KIF16B: variants seen among roughly 807,000 people sequenced by gnomAD.
The protein encoded by KIF16B is kinesin family member 16B.
KIF16B carries 98 observed loss-of-function variants against 156.3 expected under a neutral mutation model. That is an observed-to-expected ratio of 0.63 (90% CI 0.53 to 0.74). The LOEUF is 0.74. Ranked by LOEUF, KIF16B falls within the 30% of genes least tolerant of loss-of-function variation. KIF16B has a pLI of 0.00. For missense variants in KIF16B, 1,421 were observed against 1,606.5 expected, an observed-to-expected ratio of 0.88 and a Z score of 1.97; for synonymous variants, 564 against 583.7, an observed-to-expected ratio of 0.97 and a Z score of 0.49.
chr20:16,527,962 T>C (rs2069609286), intron 2 of KIF16B, among the ~76,000 whole-genome samples: 1 of 152,276 alleles, frequency 6.6e-6, no homozygotes, highest in East Asian at 1.9e-4. Flanking sequence ...ATAGTATCAG[T>C]TCTTCTTCAA....
chr20:16,290,710 G>C (rs1454603689), intron 25 of KIF16B, among the ~76,000 whole-genome samples: 3 of 152,178 alleles, frequency 2.0e-5, no homozygotes, highest in Admixed American at 6.5e-5. Flanking sequence ...GTGGCCCCGA[G>C]TGGTGGGCCC....
Position 16,272,940 on chromosome 20 carries a change from C to A in KIF16B, c.*313G>T. On this transcript the variant is annotated 3_prime_UTR_variant, in exon 26 of 26. Coordinates refer to ENST00000354981, the MANE Select transcript of KIF16B (RefSeq NM_024704.5). The stretch of plus-strand genomic sequence containing the variant: ...CTGGGCTCAGGGAACCCACGATGGC[C>A]CAACCACATCTATCTTGCCACAGGG... The A allele has an allele frequency of 4.4e-6, 1 of 229,388 alleles. No homozygotes were observed. The highest frequency in any genetic ancestry group is 5.5e-5 in the Admixed American group (1 of 18,098). 14.2% of individuals were successfully genotyped at this position (229,388 alleles called of 1,614,324 possible).
chr20:16,483,163 A>C (rs1160548804), intron 12 of KIF16B, among the ~76,000 whole-genome samples: 1 of 152,150 alleles, frequency 6.6e-6, no homozygotes, highest in African/African-American at 2.4e-5. Context: ...CTCCCTTTGC[A>C]TTCTGAGGGT....
intron 23 of KIF16B, among the ~76,000 whole-genome samples, chr20:16,354,933 G>A (rs1043351588): frequency 9.2e-5 from 14 of 151,642 alleles, no homozygotes; most frequent in Non-Finnish European, 1.6e-4. Flanking sequence ...GCAACAGAGT[G>A]AGACTCCATC....
At chr20:16,434,191 A>G (rs930810564) in intron 12 of KIF16B, among the ~76,000 whole-genome samples, 1 of 152,226 alleles carries the variant, frequency 6.6e-6, no homozygotes, top group African/African-American at 2.4e-5. Flanking sequence ...GCATCTATTC[A>G]GGTGAAATCC....
rs527494537 is a variant in KIF16B, at chr20:16,320,249, C to T, written c.3712-7831G>A. Among the ~76,000 whole-genome samples the T allele has an allele frequency of 5.9e-5, 9 of 152,204 alleles. No homozygotes were observed. In the South Asian group the frequency reaches 1.9e-3, roughly 32 times the overall value. On this transcript the variant is annotated intron_variant, in intron 24 of 25. Coordinates refer to ENST00000354981, the MANE Select transcript of KIF16B (RefSeq NM_024704.5). ...TCTTAGCCAGATAAACATAAAACCTCGCACTAAAAATCAATCTACCTCAAT... is the reference window on the plus strand; with the variant it reads ...TCTTAGCCAGATAAACATAAAACCTTGCACTAAAAATCAATCTACCTCAAT...
At position 16,375,075 on chromosome 20, in the gene KIF16B, AT is replaced by A. The variant is rs200952742; in HGVS notation, c.3198-667del. 8.5e-3 allele frequency among the ~76,000 whole-genome samples: 1,301 copies of A among 152,308 alleles called. 24 individuals carry two copies. Among genetic ancestry groups the A allele is most frequent in the African/African-American group, 0.03 (1,244 of 41,552 alleles). Reference sequence around the variant, plus strand: ...ATGAGAAACTAAAATAAACCATAAAATTAACCTCCAGTGATAAGTGATACAT... The same window carrying A: ...ATGAGAAACTAAAATAAACCATAAAATAACCTCCAGTGATAAGTGATACAT... On this transcript the variant is annotated intron_variant, in intron 19 of 25. Transcript: ENST00000354981.
intron 22 of KIF16B, among the ~76,000 whole-genome samples, chr20:16,358,838 T>C (rs556399716): frequency 1.2e-3 from 181 of 152,382 alleles, no homozygotes; most frequent in Admixed American, 2.1e-3. Flanking sequence ...AATGGAGACT[T>C]ACCTTTGACT....
chr20:16,360,788 A>G (rs2064536513), intron 22 of KIF16B, among the ~76,000 whole-genome samples: 1 of 152,246 alleles, frequency 6.6e-6, no homozygotes, highest in Non-Finnish European at 1.5e-5. Flanking sequence ...TAGGCAGAAC[A>G]TAAGGTACAT....
chr20:16,405,644 A>T (rs2065763820), intron 16 of KIF16B, among the ~76,000 whole-genome samples: 1 of 152,180 alleles, frequency 6.6e-6, no homozygotes. Flanking sequence ...TGCCGGCTAC[A>T]GAACAAGTTA....
At chr20:16,357,712 C>G (rs1032415979) in intron 22 of KIF16B, among the ~76,000 whole-genome samples, 1 of 152,192 alleles carries the variant, frequency 6.6e-6, no homozygotes, top group South Asian at 2.1e-4. Flanking sequence ...CCAGAGGACA[C>G]AAGGACATAT....
At chr20:16,356,702 C>T (rs1255870503) in intron 22 of KIF16B, among the ~76,000 whole-genome samples, 1 of 152,158 alleles carries the variant, frequency 6.6e-6, no homozygotes, top group African/African-American at 2.4e-5. Context: ...AAGTGTTTGG[C>T]TTTGAAGTTC....
intron 24 of KIF16B, among the ~76,000 whole-genome samples, chr20:16,317,309 T>C (rs948480999): frequency 6.6e-6 from 1 of 152,178 alleles, no homozygotes; most frequent in Admixed American, 6.5e-5. Flanking sequence ...GGAGATACAG[T>C]GTCCTATATT....
chr20:16,312,478 T>C (rs2063634275), intron 24 of KIF16B, 60 bp from the exon 25 acceptor site: 3 of 1,201,416 alleles, frequency 2.5e-6, no homozygotes, highest in Non-Finnish European at 3.7e-6. Flanking sequence ...GTTGGGCTAT[T>C]ATTAATCTAT....
chr20:16,322,673 C>A (rs1053876890), intron 24 of KIF16B, among the ~76,000 whole-genome samples: 24 of 151,936 alleles, frequency 1.6e-4, no homozygotes, highest in African/African-American at 5.8e-4. Flanking sequence ...ACTGACACAG[C>A]CCAATTTTCT....
chr20:16,382,153 G>GAGAGAA lies in KIF16B; in HGVS notation c.1785-412_1785-407dup, dbSNP rs755906197. 6 of 1,316,518 alleles carry GAGAGAA rather than the reference G, an allele frequency of 4.6e-6. No homozygotes were observed. The African/African-American group carries it at 9.0e-5, about 20-fold the overall frequency. 81.6% of individuals were successfully genotyped at this position (1,316,518 alleles called of 1,614,324 possible). A position where few individuals can be genotyped will look rare whatever the true frequency, so the allele number is the denominator to read the frequency against. On this transcript the variant is annotated intron_variant, in intron 17 of 25. Transcript: ENST00000354981. ...AGACTGCCAGGGAGGTGGAGAGAGA[G>GAGAGAA]AGAGAAAGAGAGAGAGAGCACAGAC... is the stretch of plus-strand genomic sequence containing the variant.
chr20:16,513,083 A>C (rs1458651829), intron 4 of KIF16B, among the ~76,000 whole-genome samples, 160 bp from the exon 5 acceptor site: 1 of 152,070 alleles, frequency 6.6e-6, no homozygotes, highest in African/African-American at 2.4e-5. Context: ...GCTGCTTTCT[A>C]CTCTCTGAAA....
At chr20:16,564,760 T>C (rs2071192327) in intron 1 of KIF16B, among the ~76,000 whole-genome samples, 1 of 151,706 alleles carries the variant, frequency 6.6e-6, no homozygotes, top group African/African-American at 2.4e-5. Context: ...ATCTCTCCAT[T>C]AACTGGAAGG....
At chr20:16,320,537 G>A (rs1000240554) in intron 24 of KIF16B, among the ~76,000 whole-genome samples, 2 of 152,084 alleles carry the variant, frequency 1.3e-5, no homozygotes, top group South Asian at 2.1e-4. Context: ...AGATTAGCAC[G>A]CAGCACACAG....
Sources: gnomAD v4.1 joint callset for allele counts (sites outside exome capture counted in the v4.1 genomes callset) on GRCh38, gnomAD v4.1.1 for gene constraint, MANE v1.5 for transcripts, NCBI Gene and HGNC (gene_info 2026-07-23, HGNC 2026-07-21) for gene names.